Variants in L3MBTL3 observed in about 807,000 individuals in gnomAD.
L3MBTL3 encodes the protein L3MBTL histone methyl-lysine binding protein 3, also known as lethal(3)malignant brain tumor-like protein 3.
L3MBTL3 carries 27 observed loss-of-function variants against 102.3 expected under a neutral mutation model. The observed-to-expected ratio is 0.26, with a 90% CI of 0.19 to 0.36. L3MBTL3 has a LOEUF of 0.36. Ranked by LOEUF, L3MBTL3 falls within the 10% of genes least tolerant of loss-of-function variation. The probability of loss-of-function intolerance (pLI) is 1.00; values close to 1 mark genes in which losing one functional copy is unlikely to be tolerated. For missense variants in L3MBTL3, 798 were observed against 955.3 expected (o/e 0.84, Z 2.17); for synonymous variants, 340 against 320.9 (o/e 1.06, Z -0.64).
At chr6:130,077,165 A>C (rs1406706907) in intron 13 of L3MBTL3, among the ~76,000 whole-genome samples, 1 of 152,046 alleles carries the variant, frequency 6.6e-6, no homozygotes, top group Non-Finnish European at 1.5e-5. Flanking sequence ...TCTATGAATT[A>C]ACATCCTTCC....
At chr6:130,081,334 C>G (rs1783327532) in intron 14 of L3MBTL3, among the ~76,000 whole-genome samples, 1 of 152,046 alleles carries the variant, frequency 6.6e-6, no homozygotes, top group East Asian at 1.9e-4. Context: ...GTAGAATGTT[C>G]TAATTTAAAT....
chr6:130,055,384 A>G (rs908456275), intron 8 of L3MBTL3, 129 bp downstream of exon 8: 12 of 672,010 alleles, frequency 1.8e-5, no homozygotes, highest in Non-Finnish European at 2.8e-5. Context: ...TTGGTCAATA[A>G]AGATTTGAGA....
chr6:130,029,694 C>G (rs568452414), intron 2 of L3MBTL3, among the ~76,000 whole-genome samples: 1 of 152,130 alleles, frequency 6.6e-6, no homozygotes, highest in African/African-American at 2.4e-5. Context: ...ATTAAATAGG[C>G]CTTTTTTGAT....
At chr6:130,073,248 A>C (rs1335348521) in intron 13 of L3MBTL3, among the ~76,000 whole-genome samples, 1 of 152,166 alleles carries the variant, frequency 6.6e-6, no homozygotes, top group African/African-American at 2.4e-5. Context: ...ACTCTACATA[A>C]AAATTTCAAA....
chr6:130,042,495 A>G (rs1244908227), intron 2 of L3MBTL3, among the ~76,000 whole-genome samples, 190 bp from the exon 3 acceptor site: 2 of 152,168 alleles, frequency 1.3e-5, no homozygotes, highest in African/African-American at 4.8e-5. Flanking sequence ...TTTTTTCTCT[A>G]TACTTTTCCA....
chr6:130,034,134 A>C lies in L3MBTL3; in HGVS notation c.-15-8551A>C, dbSNP rs117433264. Among the ~76,000 whole-genome samples the C allele has an allele frequency of 4.9e-4, 74 of 152,160 alleles. 1 individual carries two copies. The East Asian group carries it at 0.011, about 23-fold the overall frequency. ...CAGCTCGTAGGAGTCCCTGCTCCTC[A>C]CTCTGAGCCTCTGTTTTATCCACTC... On this transcript the variant is annotated intron_variant, in intron 2 of 22. Transcript: ENST00000361794.
At chr6:130,095,430 A>G (rs1322498610) in intron 18 of L3MBTL3, among the ~76,000 whole-genome samples, 1 of 152,176 alleles carries the variant, frequency 6.6e-6, no homozygotes, top group Non-Finnish European at 1.5e-5. Context: ...AAGTCTGAGC[A>G]TAGACAGGAT....
chr6:130,132,388 G>T (rs776068352), intron 20 of L3MBTL3, among the ~76,000 whole-genome samples: 11 of 152,202 alleles, frequency 7.2e-5, no homozygotes, highest in Non-Finnish European at 1.3e-4. Context: ...TTTGTTTTCA[G>T]TCAGGGTGTT....
chr6:130,102,911 A>G (rs571482450), intron 18 of L3MBTL3, among the ~76,000 whole-genome samples: 1 of 152,248 alleles, frequency 6.6e-6, no homozygotes, highest in South Asian at 2.1e-4. Flanking sequence ...TGTACTGCCG[A>G]TCTCCCCCTG....
chr6:130,103,401 ACTCTTCCCTC>A (rs1784811959), intron 18 of L3MBTL3, among the ~76,000 whole-genome samples: 1 of 151,966 alleles, frequency 6.6e-6, no homozygotes, highest in South Asian at 2.1e-4. Flanking sequence ...AACCCTTTTA[ACTCTTCCCTC>A]CTTTTCCTAG....
intron 22 of L3MBTL3, among the ~76,000 whole-genome samples, chr6:130,136,823 G>A (rs1787735234): frequency 6.6e-6 from 1 of 152,060 alleles, no homozygotes; most frequent in South Asian, 2.1e-4. Context: ...TCACCATATT[G>A]GCCACACTGG....
intron 10 of L3MBTL3, among the ~76,000 whole-genome samples, chr6:130,062,803 A>G (rs1202278188): frequency 2.1e-5 from 3 of 140,406 alleles, no homozygotes; most frequent in Non-Finnish European, 4.7e-5. Context: ...TTCATTATTC[A>G]AAAAAAAAAA....
At chr6:130,077,220 A>AT (rs1173703486) in intron 13 of L3MBTL3, among the ~76,000 whole-genome samples, 4 of 152,120 alleles carry the variant, frequency 2.6e-5, no homozygotes, top group Middle Eastern at 3.4e-3. Context: ...AACCAAAATG[A>AT]TTTTTTTTAG....
Position 130,133,477 on chromosome 6 carries a change from G to C in L3MBTL3, c.1992G>C (p.Gln664His), listed in dbSNP as rs773185664. Reference protein sequence around the residue: ...ARGAREEPTVQQAQRRSAVFL... With the variant: ...ARGAREEPTVHQAQRRSAVFL... ...GTGCCCGGGAAGAACCCACCGTCCA[G>C]CAGGCACAGCGTCGGTCAGCTGTCT... Residue 664 changes from glutamine (Q) to histidine (H), a missense_variant, in exon 21 of 23, where the codon CAG (glutamine) becomes CAC (histidine). Gln to His is a conservative substitution (Grantham distance 24). Coordinates refer to ENST00000361794, the MANE Select transcript of L3MBTL3 (RefSeq NM_032438.4). The surrounding 1 kb of genome is among the most constrained non-coding windows in gnomAD (Gnocchi z 4.9). 4 of 1,613,962 alleles carry C rather than the reference G, an allele frequency of 2.5e-6. No homozygotes were observed. The African/African-American group carries it at 5.3e-5, about 22-fold the overall frequency.
At chr6:130,127,177 A>T (rs1786663723) in intron 20 of L3MBTL3, among the ~76,000 whole-genome samples, 1 of 152,136 alleles carries the variant, frequency 6.6e-6, no homozygotes, top group African/African-American at 2.4e-5. Context: ...CATGGTGATG[A>T]CTTTTAGTGG....
intron 20 of L3MBTL3, among the ~76,000 whole-genome samples, chr6:130,128,074 G>C (rs937329855): frequency 4.6e-5 from 7 of 152,102 alleles, no homozygotes; most frequent in Admixed American, 4.6e-4. Flanking sequence ...TATTCTCTCT[G>C]TGGATGGATG....
chr6:130,129,730 A>C (rs1467897675), intron 20 of L3MBTL3, among the ~76,000 whole-genome samples: 2 of 152,182 alleles, frequency 1.3e-5, no homozygotes, highest in Non-Finnish European at 1.5e-5. Context: ...ATAGGGTCCC[A>C]GGCAAAGGGA....
chr6:130,091,052 A>G (rs905333444), intron 16 of L3MBTL3, among the ~76,000 whole-genome samples: 12 of 152,076 alleles, frequency 7.9e-5, no homozygotes, highest in Admixed American at 5.9e-4. Context: ...AGGTGTTGCA[A>G]ATGTATTTTG....
At position 130,075,968 on chromosome 6, in the gene L3MBTL3, G is replaced by C. The variant is rs7769651; in HGVS notation, c.1245-2590G>C. 6.7e-3 allele frequency among the ~76,000 whole-genome samples: 1,021 copies of C among 152,264 alleles called. 7 individuals are homozygous for C. Among genetic ancestry groups the C allele is most frequent in the African/African-American group, 0.023 (963 of 41,546 alleles). ...TTGAAGCAAATTAATATTTCAAACA[G>C]CTACTGTGGGTAATAGAATTGGACA... On this transcript the variant is annotated intron_variant, in intron 13 of 22. Transcript: ENST00000361794.
Sources: gnomAD v4.1 joint callset for allele counts (sites outside exome capture counted in the v4.1 genomes callset) on GRCh38, gnomAD v4.1.1 for gene constraint, Gnocchi (gnomAD v3.1) non-coding constraint, MANE v1.5 for transcripts, NCBI Gene and HGNC (gene_info 2026-07-23, HGNC 2026-07-21) for gene names.